The following LRRTM1 variants were observed in gnomAD, a reference collection of about 807,000 sequenced individuals.
The protein encoded by LRRTM1 is leucine rich repeat transmembrane neuronal 1.
LRRTM1 carries 8 observed loss-of-function variants against 37.3 expected under a neutral mutation model. The observed-to-expected ratio is 0.21, with a 90% CI of 0.13 to 0.39. The LOEUF is 0.39. Among genes scored for constraint, LRRTM1 ranks in the 10% least tolerant of loss-of-function variants. The pLI is 1.00. For missense variants in LRRTM1, 557 were observed against 691.0 expected (o/e 0.81, Z 2.17); for synonymous variants, 326 against 316.8 (o/e 1.03, Z -0.31).
intron 2 of LRRTM1, among the ~76,000 whole-genome samples, chr2:80,292,666 C>T (rs985567420): frequency 6.6e-6 from 1 of 152,138 alleles, no homozygotes; most frequent in South Asian, 2.1e-4. Context: ...TAGGCCTATG[C>T]CAGCATAGTC....
At chr2:80,290,633 T>C (rs1675155996) in intron 2 of LRRTM1, among the ~76,000 whole-genome samples, 1 of 152,142 alleles carries the variant, frequency 6.6e-6, no homozygotes, top group Admixed American at 6.6e-5. Context: ...CCCTGAAATC[T>C]TAATACCACA....
chr2:80,302,189 C>T lies in LRRTM1; in HGVS notation c.*62G>A. 1.3e-6 allele frequency: 2 copies of T among 1,561,028 alleles called. No individual in the cohort carries two copies. Among genetic ancestry groups the T allele is most frequent in the Non-Finnish European group, 8.7e-7 (1 of 1,153,402 alleles). On this transcript the variant is annotated 3_prime_UTR_variant, in exon 2 of 2. Coordinates refer to ENST00000295057, the MANE Select transcript of LRRTM1 (RefSeq NM_178839.5). The surrounding 1 kb of genome is among the most constrained non-coding windows in gnomAD (Gnocchi z 6.4). ...CAAGGAGACCCCAGCCTGGTGCCCG[C>T]CGGCCCGTCCCGGCTGCCCAGGCGT...
At chr2:80,301,167 G>A (rs1208721155), downstream of LRRTM1, among the ~76,000 whole-genome samples, 1 of 152,128 alleles carries the variant, frequency 6.6e-6, no homozygotes, top group Non-Finnish European at 1.5e-5. Flanking sequence ...TTCATCCTAA[G>A]GTAGGTTTTT....
In LRRTM1 at chr2:80,303,933, A is replaced by G. The variant is rs1227592964; in HGVS notation, c.-59-55T>C. On this transcript the variant is annotated intron_variant, in intron 1 of 1. Transcript: ENST00000295057. The surrounding 1 kb of genome is among the most constrained non-coding windows in gnomAD (Gnocchi z 7.7). Reference sequence around the variant, plus strand: ...AAGCGGGGGAGGGGGAGAAAAGGGCAAAAAATCAAATAAATACATAGAAAT... The same window carrying G: ...AAGCGGGGGAGGGGGAGAAAAGGGCGAAAAATCAAATAAATACATAGAAAT... 1 of 1,265,530 alleles carries G rather than the reference A, an allele frequency of 7.9e-7. No individual in the cohort carries two copies. The highest frequency in any genetic ancestry group is 1.1e-6 in the Non-Finnish European group (1 of 949,756). The allele number at this position is 1,265,530 out of a possible 1,614,324, so 78.4% of individuals were successfully genotyped here. A position where few individuals can be genotyped will look rare whatever the true frequency, so the allele number is the denominator to read the frequency against.
At chr2:80,300,285 T>G (rs1454885927), downstream of LRRTM1, among the ~76,000 whole-genome samples, 20 of 14,264 alleles carry the variant, frequency 1.4e-3, no homozygotes, top group South Asian at 6.0e-3. Context: ...TGTTGGGGTG[T>G]GTGTGTGTGT....
chr2:80,302,861 C>T lies in LRRTM1; in HGVS notation c.959G>A (p.Arg320His), dbSNP rs1676488127. ...TLAGNLWDCGRNVCALASWLN... is the reference protein window; with the variant it reads ...TLAGNLWDCGHNVCALASWLN... ...CCACGAGGCTAGGGCACACACGTTGCGCCCGCAATCCCACAGGTTCCCGGC... is the reference window on the plus strand; with the variant it reads ...CCACGAGGCTAGGGCACACACGTTGTGCCCGCAATCCCACAGGTTCCCGGC... Residue 320 changes from arginine to histidine, a missense_variant, in exon 2 of 2, where the codon CGC (arginine) becomes CAC (histidine). By Grantham distance (29) the Arg-to-His change is conservative. Coordinates refer to ENST00000295057, the MANE Select transcript of LRRTM1 (RefSeq NM_178839.5). The surrounding 1 kb of genome is among the most constrained non-coding windows in gnomAD (Gnocchi z 6.4). The T allele has an allele frequency of 1.9e-6, 3 of 1,614,138 alleles. No individual in the cohort carries two copies. In the East Asian group the frequency reaches 6.7e-5, roughly 36 times the overall value.
At position 80,303,952 on chromosome 2, in the gene LRRTM1, T is replaced by C; in HGVS notation, c.-59-74A>G. The stretch of plus-strand genomic sequence containing the variant: ...AAGGGCAAAAAATCAAATAAATACA[T>C]AGAAATAAAGAAGGACCCCCCTCCC... On this transcript the variant is annotated intron_variant, in intron 1 of 1. Coordinates refer to ENST00000295057, the MANE Select transcript of LRRTM1 (RefSeq NM_178839.5). This position sits in a 1 kb window ranked among gnomAD's most constrained non-coding sequence, Gnocchi z 7.7. 9.1e-7 allele frequency: 1 copy of C among 1,098,376 alleles called. No homozygotes were observed. The allele number at this position is 1,098,376 out of a possible 1,614,324, so 68.0% of individuals were successfully genotyped here.
rs1382436348 is a variant in LRRTM1 at position 80,295,222 on chromosome 2, C to CA, written c.*307-6028dup. Among the ~76,000 whole-genome samples, 37 of 128,366 alleles carry CA rather than the reference C, an allele frequency of 2.9e-4. No individual in the cohort carries two copies. In the East Asian group the frequency reaches 8.1e-3, roughly 28 times the overall value. The allele number at this position is 128,366 out of a possible 152,430, so 84.2% of individuals were successfully genotyped here. A position where few individuals can be genotyped will look rare whatever the true frequency, so the allele number is the denominator to read the frequency against. On this transcript the variant is annotated intron_variant and NMD_transcript_variant, in intron 2 of 2. Transcript: ENST00000417012. ...AGTATGTCATTTTGAGAGTCCTGAA[C>CA]AAATTTTTTTTTTTTTTGTGGGTAG... is the stretch of plus-strand genomic sequence containing the variant.
In LRRTM1 at chr2:80,303,839, G is replaced by C; in HGVS notation, c.-20C>G. ...ATCCATTAGCGAGAATCTTTCCAGA[G>C]AGACTGGAGAATGTCCATTGGAAGC... On this transcript the variant is annotated 5_prime_UTR_variant, in exon 2 of 2. Coordinates refer to ENST00000295057, the MANE Select transcript of LRRTM1 (RefSeq NM_178839.5). The surrounding 1 kb of genome is among the most constrained non-coding windows in gnomAD (Gnocchi z 7.7). 1 of 1,496,142 alleles carries C rather than the reference G, an allele frequency of 6.7e-7. No individual in the cohort carries two copies. Among genetic ancestry groups the C allele is most frequent in the Non-Finnish European group, 8.9e-7 (1 of 1,122,226 alleles). The allele number at this position is 1,496,142 out of a possible 1,614,324, so 92.7% of individuals were successfully genotyped here. A position where few individuals can be genotyped will look rare whatever the true frequency, so the allele number is the denominator to read the frequency against.
downstream of LRRTM1, chr2:80,298,170 T>C (rs1675927843): frequency 6.6e-6 from 1 of 152,080 alleles, no homozygotes; most frequent in East Asian, 1.9e-4. Context: ...TTCTAGCTAA[T>C]TCCTTTTTTT....
intron 2 of LRRTM1, among the ~76,000 whole-genome samples, chr2:80,293,882 G>T (rs1325066244): frequency 6.6e-6 from 1 of 152,192 alleles, no homozygotes. Flanking sequence ...CTTTGGCAAA[G>T]AAAAGAGTGT....
At chr2:80,291,471 G>A (rs1321120056) in intron 2 of LRRTM1, among the ~76,000 whole-genome samples, 1 of 152,172 alleles carries the variant, frequency 6.6e-6, no homozygotes, top group Non-Finnish European at 1.5e-5. Flanking sequence ...CCAGAAGAAA[G>A]GGTCAACCTC....
chr2:80,290,155 G>C (rs1304451376), intron 2 of LRRTM1, among the ~76,000 whole-genome samples: 1 of 152,146 alleles, frequency 6.6e-6, no homozygotes, highest in Non-Finnish European at 1.5e-5. Flanking sequence ...CAAGGGAATT[G>C]AGGTACAGAA....
chr2:80,298,884 G>C (rs1675995197), downstream of LRRTM1: 1 of 152,204 alleles, frequency 6.6e-6, no homozygotes. Context: ...ATCAGGGACT[G>C]CCTATTTTTT....
At chr2:80,290,311 C>A (rs771383885) in intron 2 of LRRTM1, among the ~76,000 whole-genome samples, 4 of 152,214 alleles carry the variant, frequency 2.6e-5, no homozygotes, top group Non-Finnish European at 4.4e-5. Context: ...AAGACAAAGT[C>A]CTTCACATGA....
Position 80,303,889 on chromosome 2 carries a change from T to A in LRRTM1, c.-59-11A>T. ...CGCTCGGTCAGAAATCTACATCATA[T>A]TTTATTCCGAGGGAGGGGAAGCGGG... On this transcript the variant is annotated splice_polypyrimidine_tract_variant and intron_variant, in intron 1 of 1. Coordinates refer to ENST00000295057, the MANE Select transcript of LRRTM1 (RefSeq NM_178839.5). The surrounding 1 kb of genome is among the most constrained non-coding windows in gnomAD (Gnocchi z 7.7). 1 of 1,441,690 alleles carries A rather than the reference T, an allele frequency of 6.9e-7. No individual in the cohort carries two copies. Among genetic ancestry groups the A allele is most frequent in the Admixed American group, 2.6e-5 (1 of 39,018 alleles). The allele number at this position is 1,441,690 out of a possible 1,614,324, so 89.3% of individuals were successfully genotyped here.
chr2:80,302,221 T>G lies in LRRTM1; in HGVS notation c.*30A>C. The G allele has an allele frequency of 6.3e-7, 1 of 1,594,326 alleles. No homozygotes were observed. The highest frequency in any genetic ancestry group is 8.6e-7 in the Non-Finnish European group (1 of 1,169,484). On this transcript the variant is annotated 3_prime_UTR_variant, in exon 2 of 2. Transcript: ENST00000295057. This position sits in a 1 kb window ranked among gnomAD's most constrained non-coding sequence, Gnocchi z 6.4. ...GTCCCGGCTGCCCAGGCGTATTTGG[T>G]AGCGCATGGGTTGAGAGCCACTGGG...
rs528489978 is a variant in LRRTM1 at position 80,301,916 on chromosome 2, C to CAA, written c.*333_*334dup. ...ATTTTATTTTAAACATTTTAGTTTA[C>CAA]AAAAAAAAAAAAAATCAATGATTGG... On this transcript the variant is annotated 3_prime_UTR_variant, in exon 2 of 2. Transcript: ENST00000295057. The CAA allele has an allele frequency of 1.7e-3, 242 of 140,978 alleles. No individual in the cohort carries two copies. The highest frequency in any genetic ancestry group is 3.6e-3 in the African/African-American group (108 of 30,098). The allele number at this position is 140,978 out of a possible 1,614,324, so 8.7% of individuals were successfully genotyped here.
intron 2 of LRRTM1, among the ~76,000 whole-genome samples, chr2:80,291,306 A>G (rs1203055289): frequency 6.6e-6 from 1 of 152,182 alleles, no homozygotes; most frequent in Non-Finnish European, 1.5e-5. Context: ...ACCCTGCCTA[A>G]CAAATTGGAG....
Sources: allele counts gnomAD v4.1 joint callset (sites outside exome capture counted in the v4.1 genomes callset), GRCh38; gene constraint gnomAD v4.1.1; non-coding constraint Gnocchi (gnomAD v3.1); transcripts MANE v1.5; gene names NCBI Gene and HGNC (gene_info 2026-07-23, HGNC 2026-07-21).